Variants in NUP54 observed in about 807,000 individuals in gnomAD.
NUP54 encodes nucleoporin p54.
Under a neutral mutation model 66.4 loss-of-function variants are expected in NUP54, and 27 were observed. That is an observed-to-expected ratio of 0.41 (90% CI 0.30 to 0.56). The LOEUF is 0.56. Ranked by LOEUF, NUP54 falls within the 20% of genes least tolerant of loss-of-function variation. The probability of loss-of-function intolerance (pLI) is 0.34; values close to 1 mark genes in which losing one functional copy is unlikely to be tolerated. For missense variants in NUP54, 486 were observed against 596.3 expected (o/e 0.82, Z 1.93); for synonymous variants, 206 against 210.7 (o/e 0.98, Z 0.19).
At chr4:76,132,460 T>C in intron 6 of NUP54, 63 bp downstream of exon 6, 1 of 1,272,266 alleles carries the variant, frequency 7.9e-7, no homozygotes, top group East Asian at 2.5e-5. Flanking sequence ...ACCTCTGAAA[T>C]ACGGGGAGTG....
At chr4:76,132,770 G>T in intron 5 of NUP54, 51 bp from the exon 6 acceptor site, 1 of 1,380,588 alleles carries the variant, frequency 7.2e-7, no homozygotes, top group Non-Finnish European at 1.0e-6. Flanking sequence ...AACTCATAGC[G>T]ACAAACCTCA....
At chr4:76,137,594 C>T (rs1447453487) in intron 3 of NUP54, among the ~76,000 whole-genome samples, 1 of 152,100 alleles carries the variant, frequency 6.6e-6, no homozygotes, top group Non-Finnish European at 1.5e-5. Flanking sequence ...GATTAACCAT[C>T]AGTATTCTAG....
chr4:76,139,717 A>T (rs1731184593), intron 3 of NUP54, among the ~76,000 whole-genome samples: 1 of 152,218 alleles, frequency 6.6e-6, no homozygotes, highest in African/African-American at 2.4e-5. Context: ...ATTTTTAAAG[A>T]GAGAAGTATA....
Position 76,131,253 on chromosome 4 carries a change from C to T in NUP54, c.939G>A (p.Lys313=). The change falls in exon 7 of 12, where the codon AAG becomes AAA. Residue 313 remains lysine, a synonymous_variant. Coordinates refer to ENST00000264883, the MANE Select transcript of NUP54 (RefSeq NM_017426.4). ...ACTTTTCAGAATCAGGGTTATCTACCTTGGCCTGTTCCCAGATAATAGGAT... is the reference window on the plus strand; with the variant it reads ...ACTTTTCAGAATCAGGGTTATCTACTTTGGCCTGTTCCCAGATAATAGGAT... The part of the protein sequence containing the change: ...GVDPIIWEQA[K]VDNPDSEKLI... 1.3e-6 allele frequency: 2 copies of T among 1,596,494 alleles called. No individual in the cohort carries two copies. The highest frequency in any genetic ancestry group is 1.7e-5 in the Admixed American group (1 of 58,328).
At chr4:76,117,254 A>C (rs1326414250) in intron 11 of NUP54, among the ~76,000 whole-genome samples, 13 of 152,168 alleles carry the variant, frequency 8.5e-5, no homozygotes, top group African/African-American at 3.1e-4. Context: ...TCAGAATTTC[A>C]TTCTTTTTTC....
intron 3 of NUP54, among the ~76,000 whole-genome samples, chr4:76,138,046 T>C (rs1350979966): frequency 6.6e-6 from 1 of 152,228 alleles, no homozygotes; most frequent in African/African-American, 2.4e-5. Context: ...TTAAGTTCTC[T>C]TTCAGCTCTA....
rs558629385 is a variant in NUP54 at position 76,136,171 on chromosome 4, T to C, written c.522+15A>G. 6 of 1,550,560 alleles carry C rather than the reference T, an allele frequency of 3.9e-6. No individual in the cohort carries two copies. In the South Asian group the frequency reaches 4.5e-5, roughly 12 times the overall value. On this transcript the variant is annotated intron_variant, in intron 4 of 11. Transcript: ENST00000264883. ...CAAAATCTTCAACTGAAGATAAAAA[T>C]AGTATTAATAATACCTTAAATCGGC...
chr4:76,147,475 C>T (rs1209571454), intron 1 of NUP54: 1 of 1,289,194 alleles, frequency 7.8e-7, no homozygotes, highest in Non-Finnish European at 1.0e-6. Flanking sequence ...CCCGCAGTAT[C>T]TACCTGCACT....
intron 1 of NUP54, among the ~76,000 whole-genome samples, chr4:76,144,703 T>C (rs140465865): frequency 1.3e-5 from 2 of 152,220 alleles, no homozygotes; most frequent in Non-Finnish European, 2.9e-5. Context: ...CACAATGTAA[T>C]ATATACCCTT....
chr4:76,134,059 A>G, intron 5 of NUP54, 116 bp downstream of exon 5: 3 of 680,076 alleles, frequency 4.4e-6, no homozygotes, highest in Non-Finnish European at 7.0e-6. Context: ...CTAGCTGAGA[A>G]AAGGCATTCT....
chr4:76,124,665 G>C lies in NUP54; in HGVS notation c.1148C>G (p.Ser383Cys). 2 of 1,553,660 alleles carry C rather than the reference G, an allele frequency of 1.3e-6. No individual in the cohort carries two copies. Among genetic ancestry groups the C allele is most frequent in the Non-Finnish European group, 8.8e-7 (1 of 1,136,680 alleles). The change falls in exon 9 of 12, where the codon TCC becomes TGC. Residue 383 changes from serine to cysteine, a missense_variant. Physicochemically the swap from Ser to Cys is moderately radical, Grantham distance 112 (BLOSUM62 -1). Around this residue, in one of 4 missense-constraint regions of NUP54, gnomAD observed 217 missense variants for 247.9 expected, o/e 0.88. Coordinates refer to ENST00000264883, the MANE Select transcript of NUP54 (RefSeq NM_017426.4). ...AQYKRKLMDLSHRTLQVLIKQ... is the reference protein window; with the variant it reads ...AQYKRKLMDLCHRTLQVLIKQ... ...AATTACTACCTGTAAAGTTCTATGG[G>C]AAAGATCCATGAGTTTCCTCTTGTA...
chr4:76,119,271 T>C (rs6532203), intron 9 of NUP54, among the ~76,000 whole-genome samples: 73,130 of 151,962 alleles, frequency 0.48, 18,640 homozygotes, highest in East Asian at 0.89. Flanking sequence ...AACTGATGTT[T>C]ATTCCCCTGT....
At chr4:76,125,341 C>CGCGCGT (rs1730431664) in intron 8 of NUP54, among the ~76,000 whole-genome samples, 1 of 137,954 alleles carries the variant, frequency 7.2e-6, no homozygotes, top group East Asian at 3.9e-4. Flanking sequence ...CACACACACA[C>CGCGCGT]ACACACACAC....
At chr4:76,145,510 T>A in intron 1 of NUP54, 7 of 1,097,798 alleles carry the variant, frequency 6.4e-6, no homozygotes, top group Non-Finnish European at 8.3e-6. Flanking sequence ...TTAGTCTCTG[T>A]CAAGACTAAG....
chr4:76,118,344 A>G, intron 9 of NUP54, 150 bp from the exon 10 acceptor site: 1 of 684,376 alleles, frequency 1.5e-6, no homozygotes, highest in South Asian at 1.8e-5. Flanking sequence ...GTTTCTGTCC[A>G]TTTTAACTAG....
chr4:76,115,849 CTG>C (rs890871926), intron 11 of NUP54, among the ~76,000 whole-genome samples: 11 of 152,116 alleles, frequency 7.2e-5, no homozygotes, highest in African/African-American at 2.7e-4. Context: ...ATTCTGAAAA[CTG>C]AGAATATTCA....
chr4:76,119,893 T>A lies in NUP54; in HGVS notation c.1165-1699A>T, dbSNP rs529251231. ...ACTGCTTTTTACTCATCTAAGTTTTTAAAAATGGATTATATAAAATTAACA... is the reference window on the plus strand; with the variant it reads ...ACTGCTTTTTACTCATCTAAGTTTTAAAAAATGGATTATATAAAATTAACA... On this transcript the variant is annotated intron_variant, in intron 9 of 11. Coordinates refer to ENST00000264883, the MANE Select transcript of NUP54 (RefSeq NM_017426.4). Among the ~76,000 whole-genome samples the A allele has an allele frequency of 5.3e-5, 8 of 152,198 alleles. No homozygotes were observed. In the South Asian group the frequency reaches 1.2e-3, roughly 24 times the overall value.
rs923793197 is a variant in NUP54 at position 76,118,192 on chromosome 4, G to A, written c.1167C>T (p.Val389=). 7 of 1,612,702 alleles carry A rather than the reference G, an allele frequency of 4.3e-6. No homozygotes were observed. Among genetic ancestry groups the A allele is most frequent in the Non-Finnish European group, 5.9e-6 (7 of 1,179,188 alleles). ...LMDLSHRTLQ[V]LIKQEIQRKS... ...TCCTTTGAATTTCCTGTTTGATTAG[G>A]ACCTATACAAATAAAAACCACCAAT... Residue 389 remains valine (V), a splice_region_variant and synonymous_variant, in exon 10 of 12, where the codon GTC becomes GTT. Coordinates refer to ENST00000264883, the MANE Select transcript of NUP54 (RefSeq NM_017426.4).
chr4:76,131,047 T>C (rs1730779204), intron 7 of NUP54, among the ~76,000 whole-genome samples, 183 bp downstream of exon 7: 1 of 152,094 alleles, frequency 6.6e-6, no homozygotes, highest in African/African-American at 2.4e-5. Flanking sequence ...TCTTTTTTTT[T>C]CTTATTTTTT....
Sources: allele counts gnomAD v4.1 joint callset (sites outside exome capture counted in the v4.1 genomes callset), GRCh38; gene constraint gnomAD v4.1.1; regional missense constraint gnomAD v4.1.1; transcripts MANE v1.5; gene names NCBI Gene and HGNC (gene_info 2026-07-23, HGNC 2026-07-21).